The following NUCB2 variants were observed in gnomAD, a reference collection of about 807,000 sequenced individuals.
NUCB2 encodes the protein nucleobindin-2.
Under a neutral mutation model 57.9 loss-of-function variants are expected in NUCB2, and 48 were observed. The ratio of observed to expected loss-of-function variants is 0.83; its 90% CI spans 0.66 to 1.05. NUCB2 has a LOEUF of 1.05. Among genes scored for constraint, NUCB2 ranks in the 50% least tolerant of loss-of-function variants. The pLI is 0.00. For synonymous variants in NUCB2, 139 were observed against 152.1 expected (o/e 0.91, Z 0.64); for missense variants, 442 against 476.2 (o/e 0.93, Z 0.67).
intron 11 of NUCB2, among the ~76,000 whole-genome samples, chr11:17,319,506 C>A (rs1949731118): frequency 6.6e-6 from 1 of 152,160 alleles, no homozygotes; most frequent in Admixed American, 6.5e-5. Flanking sequence ...TCATTGCTTC[C>A]AAGGTCTTGT....
At chr11:17,276,866 CG>C (rs1476160930) in intron 1 of NUCB2, 38 bp downstream of exon 1, 1 of 152,346 alleles carries the variant, frequency 6.6e-6, no homozygotes, top group Non-Finnish European at 1.5e-5. Flanking sequence ...CGGAGCAGCG[CG>C]GCGGGAGATT....
At chr11:17,281,227 C>T (rs1942500454) in intron 1 of NUCB2, among the ~76,000 whole-genome samples, 1 of 151,992 alleles carries the variant, frequency 6.6e-6, no homozygotes, top group Admixed American at 6.6e-5. Flanking sequence ...AGCAACCCTC[C>T]CATCTCAGCT....
chr11:17,330,072 C>A lies in NUCB2; in HGVS notation c.1003-55C>A. The stretch of plus-strand genomic sequence containing the variant: ...TAACCATAGAATTTTAAAGCTAAAT[C>A]AGACTTTATTGTTGTAGTTTTGAGA... On this transcript the variant is annotated intron_variant, in intron 11 of 13. Transcript: ENST00000529010. The surrounding 1 kb of genome is among the most constrained non-coding windows in gnomAD (Gnocchi z 4.3). 1 of 987,116 alleles carries A rather than the reference C, an allele frequency of 1.0e-6. No individual in the cohort carries two copies. Among genetic ancestry groups the A allele is most frequent in the Non-Finnish European group, 1.5e-6 (1 of 679,196 alleles). 61.1% of individuals were successfully genotyped at this position (987,116 alleles called of 1,614,324 possible).
At chr11:17,314,259 C>A (rs979470526) in intron 10 of NUCB2, among the ~76,000 whole-genome samples, 10 of 152,158 alleles carry the variant, frequency 6.6e-5, no homozygotes, top group African/African-American at 2.2e-4. Flanking sequence ...TAACTGGCAT[C>A]TCTGCTTCTA....
chr11:17,283,747 T>G (rs214071), intron 2 of NUCB2, among the ~76,000 whole-genome samples: 70,688 of 152,042 alleles, frequency 0.46, 17,081 homozygotes, highest in East Asian at 0.8. Flanking sequence ...CTTGCTATAA[T>G]CAAGGCACTA....
At chr11:17,327,104 A>C (rs1481023157) in intron 11 of NUCB2, among the ~76,000 whole-genome samples, 1 of 152,132 alleles carries the variant, frequency 6.6e-6, no homozygotes, top group Non-Finnish European at 1.5e-5. Context: ...TCTGTTACCC[A>C]GACTGGAGTG....
rs185978931 is a variant in NUCB2, at chr11:17,347,210, G to A, written n.2627-2135G>A. On this transcript the variant is annotated intron_variant and non_coding_transcript_variant, in intron 2 of 2. Transcript: ENST00000532240. ...TGCGGTGGGAGCTTCCAGGTCACAG[G>A]TGATACACAAAGGGTTACGTTCTTT... 4.6e-5 allele frequency among the ~76,000 whole-genome samples: 7 copies of A among 152,288 alleles called. No homozygotes were observed. The East Asian group carries it at 1.3e-3, about 29-fold the overall frequency.
At chr11:17,280,971 G>A (rs987796977) in intron 1 of NUCB2, among the ~76,000 whole-genome samples, 2 of 152,124 alleles carry the variant, frequency 1.3e-5, no homozygotes, top group African/African-American at 4.8e-5. Flanking sequence ...AGCCTGGGAG[G>A]TGGAGGTTTT....
intron 4 of NUCB2, 96 bp from the exon 5 acceptor site, chr11:17,301,648 T>TTTG: frequency 1.4e-6 from 1 of 740,176 alleles, no homozygotes. Context: ...TCAAAAGTAT[T>TTTG]TATCACTAAT....
chr11:17,310,955 C>A lies in NUCB2; in HGVS notation c.614C>A (p.Ser205Tyr). Residue 205 changes from serine to tyrosine, a missense_variant, in exon 7 of 14, where the codon TCT becomes TAT. Ser to Tyr is a moderately radical substitution (Grantham distance 144, BLOSUM62 -2). Coordinates refer to ENST00000529010, the MANE Select transcript of NUCB2 (RefSeq NM_005013.4). ...GAAGAAAAGAGAAAAGAAGAAGAGTCTAAATTTGAAGAAATGAAGAAAAAG... is the reference window on the plus strand; with the variant it reads ...GAAGAAAAGAGAAAAGAAGAAGAGTATAAATTTGAAGAAATGAAGAAAAAG... Reference protein sequence around the residue: ...LNEEKRKEEESKFEEMKKKHE... With the variant: ...LNEEKRKEEEYKFEEMKKKHE... The A allele has an allele frequency of 1.3e-6, 2 of 1,588,202 alleles. No homozygotes were observed. The highest frequency in any genetic ancestry group is 2.4e-5 in the South Asian group (2 of 85,014).
At chr11:17,281,630 A>G (rs1182520190) in intron 1 of NUCB2, among the ~76,000 whole-genome samples, 1 of 151,280 alleles carries the variant, frequency 6.6e-6, no homozygotes, top group African/African-American at 2.4e-5. Context: ...TAGGTAGGAA[A>G]ATCAAGACTC....
At chr11:17,323,648 T>G (rs1313650161) in intron 11 of NUCB2, among the ~76,000 whole-genome samples, 3 of 152,206 alleles carry the variant, frequency 2.0e-5, no homozygotes, top group Non-Finnish European at 4.4e-5. Flanking sequence ...AGGATTGGCA[T>G]CAGTTTTTCT....
chr11:17,287,607 A>G (rs1286924435), intron 2 of NUCB2, among the ~76,000 whole-genome samples: 1 of 148,460 alleles, frequency 6.7e-6, no homozygotes, highest in Non-Finnish European at 1.5e-5. Flanking sequence ...TGGGAAGTGA[A>G]GGCTGCAGTG....
At chr11:17,285,869 T>TCCAGGATA (rs1348214987) in intron 2 of NUCB2, among the ~76,000 whole-genome samples, 1 of 151,072 alleles carries the variant, frequency 6.6e-6, no homozygotes, top group Non-Finnish European at 1.5e-5. Flanking sequence ...TTTAACCACT[T>TCCAGGATA]CCAGGATATC....
At chr11:17,285,934 TACACACACACACAC>T (rs140090235) in intron 2 of NUCB2, among the ~76,000 whole-genome samples, 4 of 143,446 alleles carry the variant, frequency 2.8e-5, no homozygotes, top group African/African-American at 7.6e-5. Context: ...CACGTGTGCG[TACACACACACACAC>T]ACACACACAC....
intron 3 of NUCB2, 24 bp downstream of exon 3, chr11:17,295,491 G>A (rs1288719008): frequency 1.0e-5 from 16 of 1,542,480 alleles, no homozygotes; most frequent in Non-Finnish European, 1.3e-5. Flanking sequence ...AGTGAAATGG[G>A]AGGAATTATA....
Position 17,295,424 on chromosome 11 carries a change from TACAAAATATTC to T in NUCB2, c.104_114del (p.Gln35ProfsTer17). On this transcript the variant is annotated frameshift_variant, in exon 3 of 14. Transcript: ENST00000529010. LOFTEE classifies it high-confidence loss of function. Reference sequence around the variant, plus strand: ...CCTATTGACATAGACAAGACAAAAGTACAAAATATTCACCCTGTGGAAAGTGCGAAGATAGA... The same window carrying T: ...CCTATTGACATAGACAAGACAAAAGTACCCTGTGGAAAGTGCGAAGATAGA... The T allele has an allele frequency of 6.2e-7, 1 of 1,613,122 alleles. No individual in the cohort carries two copies. The highest frequency in any genetic ancestry group is 8.5e-7 in the Non-Finnish European group (1 of 1,179,694).
intron 11 of NUCB2, among the ~76,000 whole-genome samples, chr11:17,318,772 G>A (rs763992117): frequency 2.8e-4 from 37 of 133,092 alleles, no homozygotes; most frequent in Non-Finnish European, 5.8e-4. Context: ...GAAGCCACGA[G>A]TCTACACTGA....
intron 2 of NUCB2, among the ~76,000 whole-genome samples, chr11:17,291,813 A>C (rs960759705): frequency 2.0e-5 from 3 of 152,082 alleles, no homozygotes; most frequent in African/African-American, 7.2e-5. Flanking sequence ...TCCTGGCTTT[A>C]CATCATTTTT....
Sources: allele counts gnomAD v4.1 joint callset (sites outside exome capture counted in the v4.1 genomes callset), GRCh38; gene constraint gnomAD v4.1.1; non-coding constraint Gnocchi (gnomAD v3.1); transcripts MANE v1.5; gene names NCBI Gene and HGNC (gene_info 2026-07-23, HGNC 2026-07-21).